The following COG5 variants were observed in gnomAD, a reference collection of about 807,000 sequenced individuals.
The protein encoded by COG5 is conserved oligomeric Golgi complex subunit 5.
COG5 carries 86 observed loss-of-function variants against 110.4 expected under a neutral mutation model. The observed-to-expected ratio is 0.78, with a 90% confidence interval of 0.65 to 0.93. The LOEUF (loss-of-function observed/expected upper bound fraction) is 0.93, where lower values mean the gene tolerates loss of function less well. Among genes scored for constraint, COG5 ranks in the 40% least tolerant of loss-of-function variants. The pLI is 0.00. For missense variants in COG5, 1,077 were observed against 987.0 expected (o/e 1.09, Z -1.22); for synonymous variants, 360 against 334.6 (o/e 1.08, Z -0.83).
intron 10 of COG5, among the ~76,000 whole-genome samples, chr7:107,344,290 G>A (rs1451112900): frequency 2.0e-5 from 3 of 152,270 alleles, no homozygotes; most frequent in Non-Finnish European, 2.9e-5. Flanking sequence ...GCTGCTTCAC[G>A]TTGTATTTTT....
Position 107,449,386 on chromosome 7 carries a change from T to C in COG5, c.539-36754A>G, listed in dbSNP as rs184881302. Among the ~76,000 whole-genome samples, 285 of 152,366 alleles carry C rather than the reference T, an allele frequency of 1.9e-3. 2 individuals carry two copies. The highest frequency in any genetic ancestry group is 6.6e-3 in the African/African-American group (276 of 41,594). On this transcript the variant is annotated intron_variant, in intron 6 of 21. Transcript: ENST00000297135. ...AAGAAAAATTAACTGTAGTTCATAC[T>C]GTACTACTGTAACAATTTGGTAGCC...
intron 8 of COG5, among the ~76,000 whole-genome samples, chr7:107,370,751 A>G (rs911686082): frequency 2.0e-5 from 3 of 148,362 alleles, no homozygotes; most frequent in African/African-American, 7.4e-5. Flanking sequence ...GTGCAATTGC[A>G]TTCTAGCTTG....
intron 7 of COG5, among the ~76,000 whole-genome samples, chr7:107,402,919 G>A (rs1242350281): frequency 1.3e-5 from 2 of 152,172 alleles, no homozygotes; most frequent in African/African-American, 4.8e-5. Flanking sequence ...AAGGTCAGAA[G>A]TTTATTTATG....
At chr7:107,396,697 T>A (rs1355124854) in intron 7 of COG5, among the ~76,000 whole-genome samples, 1 of 152,162 alleles carries the variant, frequency 6.6e-6, no homozygotes, top group Non-Finnish European at 1.5e-5. Flanking sequence ...TTTTAATTTC[T>A]CAATTTTTAA....
At chr7:107,380,906 C>T (rs1481294392) in intron 7 of COG5, among the ~76,000 whole-genome samples, 3 of 152,058 alleles carry the variant, frequency 2.0e-5, no homozygotes, top group African/African-American at 7.2e-5. Context: ...TGTGAAAATC[C>T]TCAATAAAAT....
At chr7:107,235,247 A>G (rs1801092149) in intron 18 of COG5, among the ~76,000 whole-genome samples, 1 of 152,216 alleles carries the variant, frequency 6.6e-6, no homozygotes, top group Non-Finnish European at 1.5e-5. Flanking sequence ...CCTTTCCTCC[A>G]TGTAGAAATA....
rs1810989246 is a variant in COG5, at chr7:107,339,331, A to C, written c.1027-14810T>G. On this transcript the variant is annotated intron_variant, in intron 10 of 21. Transcript: ENST00000297135. Reference sequence around the variant, plus strand: ...TTCAACAAAAAGACTTAACTATACTAAATATACATCCACCCAACATTGGGG... The same window carrying C: ...TTCAACAAAAAGACTTAACTATACTCAATATACATCCACCCAACATTGGGG... Among the ~76,000 whole-genome samples, 6 of 152,154 alleles carry C rather than the reference A, an allele frequency of 3.9e-5. No individual in the cohort carries two copies. In the South Asian group the frequency reaches 1.2e-3, roughly 32 times the overall value.
chr7:107,210,662 G>T, intron 20 of COG5, 57 bp from the exon 21 acceptor site: 1 of 1,528,742 alleles, frequency 6.5e-7, no homozygotes, highest in Non-Finnish European at 8.9e-7. Flanking sequence ...GTAAATGGCA[G>T]CAAGTGCTGG....
At chr7:107,223,564 C>G (rs1312413491) in intron 19 of COG5, among the ~76,000 whole-genome samples, 2 of 152,202 alleles carry the variant, frequency 1.3e-5, no homozygotes, top group African/African-American at 4.8e-5. Context: ...CTGAATGCAA[C>G]AGAAGACAGT....
chr7:107,543,041 G>A (rs1231177046), intron 5 of COG5, among the ~76,000 whole-genome samples: 1 of 151,502 alleles, frequency 6.6e-6, no homozygotes, highest in Non-Finnish European at 1.5e-5. Context: ...AAAAAACAGG[G>A]TATTAAAGCA....
At chr7:107,552,286 A>G (rs1802959604) in intron 3 of COG5, among the ~76,000 whole-genome samples, 1 of 152,226 alleles carries the variant, frequency 6.6e-6, no homozygotes, top group Non-Finnish European at 1.5e-5. Context: ...ATTTAAAAAC[A>G]TAATTAAAAC....
rs114640220 is a variant in COG5, at chr7:107,409,583, T to C, written c.669+2919A>G. Among the ~76,000 whole-genome samples the C allele has an allele frequency of 4.9e-3, 745 of 152,302 alleles. 9 individuals are homozygous for C. The highest frequency in any genetic ancestry group is 0.017 in the African/African-American group (724 of 41,566). ...GATATAACTAAGTAAACAGTTAACA[T>C]TGAAGAATCCTTTTTCCTTTCAAGT... On this transcript the variant is annotated intron_variant, in intron 7 of 21. Transcript: ENST00000297135.
intron 6 of COG5, among the ~76,000 whole-genome samples, chr7:107,503,852 GACTTT>G (rs1237526703): frequency 1.3e-5 from 2 of 152,244 alleles, no homozygotes; most frequent in African/African-American, 4.8e-5. Context: ...TGTAACCTGA[GACTTT>G]ACTTGTTTAT....
intron 10 of COG5, among the ~76,000 whole-genome samples, chr7:107,360,588 ACTACATTCCCCTCATCTAGATGTGGG>A (rs958543503): frequency 7.9e-5 from 12 of 151,922 alleles, no homozygotes; most frequent in Non-Finnish European, 1.2e-4. Flanking sequence ...TCCAGGTGTC[ACTACATTCCCCTCATCTAGATGTGGG>A]CTACATTCCC....
At chr7:107,409,360 C>A (rs1053557759) in intron 7 of COG5, among the ~76,000 whole-genome samples, 1 of 149,456 alleles carries the variant, frequency 6.7e-6, no homozygotes, top group Non-Finnish European at 1.5e-5. Context: ...CTTTGGGAAA[C>A]TGGGAGGTCA....
intron 2 of COG5, among the ~76,000 whole-genome samples, 191 bp downstream of exon 2, chr7:107,557,785 G>A (rs1404250633): frequency 6.6e-6 from 1 of 151,940 alleles, no homozygotes; most frequent in Non-Finnish European, 1.5e-5. Context: ...TTGGTGAGGT[G>A]GTATATTAGT....
chr7:107,295,689 C>T (rs1184067244), intron 12 of COG5, among the ~76,000 whole-genome samples: 1 of 152,182 alleles, frequency 6.6e-6, no homozygotes, highest in Non-Finnish European at 1.5e-5. Flanking sequence ...TCACCAACCA[C>T]ATTACTGAAT....
intron 10 of COG5, among the ~76,000 whole-genome samples, chr7:107,351,609 A>G (rs1384705853): frequency 6.6e-6 from 1 of 152,230 alleles, no homozygotes; most frequent in Admixed American, 6.5e-5. Flanking sequence ...AAACAAATTT[A>G]CAAGAAAAAA....
intron 14 of COG5, among the ~76,000 whole-genome samples, chr7:107,273,536 AGTG>A: frequency 6.6e-6 from 1 of 152,332 alleles, no homozygotes; most frequent in Non-Finnish European, 1.5e-5. Context: ...AAAGCTCTAT[AGTG>A]TTAGGACTTC....
Sources: gnomAD v4.1 joint callset for allele counts (sites outside exome capture counted in the v4.1 genomes callset) on GRCh38, gnomAD v4.1.1 for gene constraint, MANE v1.5 for transcripts, NCBI Gene and HGNC (gene_info 2026-07-23, HGNC 2026-07-21) for gene names.